Variants in GLG1 observed in about 807,000 individuals in gnomAD.
GLG1 encodes Golgi apparatus protein 1.
A neutral mutation model predicts 160.5 loss-of-function variants in GLG1; 38 were observed. The ratio of observed to expected loss-of-function variants is 0.24; its 90% CI spans 0.18 to 0.31. The LOEUF (loss-of-function observed/expected upper bound fraction) is 0.31. Among genes scored for constraint, GLG1 ranks in the 10% least tolerant of loss-of-function variants. The probability of loss-of-function intolerance (pLI) is 1.00; values close to 1 mark genes in which losing one functional copy is unlikely to be tolerated. For synonymous variants in GLG1, 644 were observed against 543.4 expected, an observed-to-expected ratio of 1.19 and a Z score of -2.57; for missense variants, 1,373 against 1,505.2, an observed-to-expected ratio of 0.91 and a Z score of 1.45.
At position 74,522,001 on chromosome 16, in the gene GLG1, G is replaced by C. The variant is rs184666518; in HGVS notation, c.471+10120C>G. Among the ~76,000 whole-genome samples, 62 of 152,322 alleles carry C rather than the reference G, an allele frequency of 4.1e-4. No individual in the cohort carries two copies. In the East Asian group the frequency reaches 0.011, roughly 27 times the overall value. The stretch of plus-strand genomic sequence containing the variant: ...CACATTCAGCAAAGCATGAAAGTAC[G>C]GCATCCCGATTGGGCATTTATAATT... On this transcript the variant is annotated intron_variant, in intron 2 of 25. Transcript: ENST00000422840.
intron 7 of GLG1, 23 bp downstream of exon 7, chr16:74,492,934 T>C (rs748026021): frequency 1.5e-6 from 2 of 1,339,472 alleles, no homozygotes; most frequent in South Asian, 2.9e-5. Context: ...AAATGATAAT[T>C]AAAAAAAAAA....
At chr16:74,564,736 T>G (rs1454137207) in intron 1 of GLG1, among the ~76,000 whole-genome samples, 1 of 152,220 alleles carries the variant, frequency 6.6e-6, no homozygotes, top group Non-Finnish European at 1.5e-5. Context: ...GCTTATTCAC[T>G]AGGCATCAAT....
At position 74,462,144 on chromosome 16, in the gene GLG1, C is replaced by T. The variant is rs781231415; in HGVS notation, c.2986G>A (p.Ala996Thr). Residue 996 changes from alanine to threonine, a missense_variant, in exon 22 of 26, where the codon GCC becomes ACC. Transcript: ENST00000422840. Reference protein sequence around the residue: ...DQIRIIIQESALDYRLDPQLQ... With the variant: ...DQIRIIIQESTLDYRLDPQLQ... ...TGAGGATCCAGGCGGTAGTCCAGGG[C>T]GGACTCCTGGATAATGATTCGGATC... 5 of 1,608,782 alleles carry T rather than the reference C, an allele frequency of 3.1e-6. No homozygotes were observed. Among genetic ancestry groups the T allele is most frequent in the African/African-American group, 1.3e-5 (1 of 74,886 alleles).
At chr16:74,586,756 T>TGG (rs1958062614) in intron 1 of GLG1, among the ~76,000 whole-genome samples, 1 of 152,042 alleles carries the variant, frequency 6.6e-6, no homozygotes, top group African/African-American at 2.4e-5. Context: ...TAGAGTGCAG[T>TGG]GGCGTGATCT....
chr16:74,476,773 A>T (rs980286478), intron 12 of GLG1, among the ~76,000 whole-genome samples: 1 of 152,156 alleles, frequency 6.6e-6, no homozygotes, highest in Non-Finnish European at 1.5e-5. Context: ...AGGCTATATA[A>T]TGAACTGAAC....
chr16:74,493,535 G>A (rs1315943829), intron 6 of GLG1, among the ~76,000 whole-genome samples: 1 of 152,118 alleles, frequency 6.6e-6, no homozygotes, highest in Non-Finnish European at 1.5e-5. Context: ...TCTGTTCAAT[G>A]CTTTAAAATA....
chr16:74,511,725 A>G (rs2016814331), intron 2 of GLG1, among the ~76,000 whole-genome samples: 2 of 152,176 alleles, frequency 1.3e-5, no homozygotes, highest in South Asian at 4.1e-4. Flanking sequence ...TATCGAATGC[A>G]AAGTCAGATG....
chr16:74,588,024 A>G (rs1251237252), intron 1 of GLG1, among the ~76,000 whole-genome samples: 2 of 152,180 alleles, frequency 1.3e-5, no homozygotes, highest in Non-Finnish European at 2.9e-5. Flanking sequence ...GAAAACTACA[A>G]AAGAAAACAT....
chr16:74,552,456 A>G (rs1348513564), intron 1 of GLG1: 3 of 522,470 alleles, frequency 5.7e-6, no homozygotes, highest in Non-Finnish European at 1.1e-5. Context: ...AGACATTTCT[A>G]CTGGTACCTT....
In GLG1 at chr16:74,452,732, T is replaced by C. The variant is rs369250586; in HGVS notation, c.*435A>G. On this transcript the variant is annotated 3_prime_UTR_variant, in exon 26 of 26. Coordinates refer to ENST00000422840, the MANE Select transcript of GLG1 (RefSeq NM_001145667.2). ...CCTGTCTTTGTTTTACACAGTCATA[T>C]GAAAGACATAACCCCATTGCCCAAA... 1.1e-4 allele frequency: 112 copies of C among 993,050 alleles called. 1 individual carries two copies. The African/African-American group carries it at 1.8e-3, about 16-fold the overall frequency. The allele number at this position is 993,050 out of a possible 1,614,324, so 61.5% of individuals were successfully genotyped here.
intron 3 of GLG1, among the ~76,000 whole-genome samples, chr16:74,507,342 G>T (rs2016648715): frequency 6.6e-6 from 1 of 152,080 alleles, no homozygotes; most frequent in African/African-American, 2.4e-5. Context: ...AAATTTCCCT[G>T]GGCCAATCAA....
At chr16:74,556,879 T>C (rs1386170496) in intron 1 of GLG1, among the ~76,000 whole-genome samples, 3 of 151,666 alleles carry the variant, frequency 2.0e-5, no homozygotes, top group Non-Finnish European at 4.4e-5. Flanking sequence ...TATTTCCATA[T>C]GTAGGCTGAT....
rs1567450628 is a variant in GLG1, at chr16:74,453,147, C to T, written c.*20G>A. 6.2e-7 allele frequency: 1 copy of T among 1,611,798 alleles called. No individual in the cohort carries two copies. Among genetic ancestry groups the T allele is most frequent in the East Asian group, 2.2e-5 (1 of 44,842 alleles). On this transcript the variant is annotated 3_prime_UTR_variant, in exon 26 of 26. Coordinates refer to ENST00000422840, the MANE Select transcript of GLG1 (RefSeq NM_001145667.2). ...AAACTGGGCACTGGATAGGTAGTTC[C>T]TTTGGTGGTCAAGGTGGCTCTACCT...
intron 1 of GLG1, among the ~76,000 whole-genome samples, chr16:74,603,116 G>A (rs62051959): frequency 0.53 from 78,241 of 147,630 alleles, 21,129 homozygotes; most frequent in East Asian, 0.75. Flanking sequence ...AACAACAGCA[G>A]CAGCAGCAGC....
At chr16:74,542,068 C>A (rs950603048) in intron 1 of GLG1, among the ~76,000 whole-genome samples, 1 of 146,228 alleles carries the variant, frequency 6.8e-6, no homozygotes, top group Non-Finnish European at 1.5e-5. Context: ...ATATTTACAT[C>A]CTCTGGGACA....
At chr16:74,467,951 G>T in intron 17 of GLG1, 103 bp from the exon 18 acceptor site, 2 of 727,748 alleles carry the variant, frequency 2.7e-6, no homozygotes, top group Non-Finnish European at 4.6e-6. Flanking sequence ...AGTGACCCTG[G>T]CTTCTACATA....
At chr16:74,524,351 G>C (rs2017270284) in intron 2 of GLG1, among the ~76,000 whole-genome samples, 1 of 152,164 alleles carries the variant, frequency 6.6e-6, no homozygotes, top group Non-Finnish European at 1.5e-5. Context: ...ATCTTGGGTA[G>C]AAAGCTGTTA....
In GLG1 at chr16:74,607,109, G is replaced by A. The variant is rs774828711; in HGVS notation, c.-15C>T. ...CACGCCGCCATCTTGAGTCCGCGGC[G>A]AGCTCGACGCACTCGCCGGCGCCGC... On this transcript the variant is annotated 5_prime_UTR_variant, in exon 1 of 26. Coordinates refer to ENST00000422840, the MANE Select transcript of GLG1 (RefSeq NM_001145667.2). The A allele has an allele frequency of 1.6e-5, 24 of 1,513,452 alleles. No individual in the cohort carries two copies. Among genetic ancestry groups the A allele is most frequent in the Middle Eastern group, 1.7e-4 (1 of 5,848 alleles). 93.8% of individuals were successfully genotyped at this position (1,513,452 alleles called of 1,614,324 possible).
At chr16:74,471,587 G>A (rs988825174) in intron 14 of GLG1, among the ~76,000 whole-genome samples, 1 of 151,974 alleles carries the variant, frequency 6.6e-6, no homozygotes, top group African/African-American at 2.4e-5. Flanking sequence ...AGATCCTAAT[G>A]GTTCCTGGGT....
Sources: gnomAD v4.1 joint callset for allele counts (sites outside exome capture counted in the v4.1 genomes callset) on GRCh38, gnomAD v4.1.1 for gene constraint, MANE v1.5 for transcripts, NCBI Gene and HGNC (gene_info 2026-07-23, HGNC 2026-07-21) for gene names.